The following DAP3 variants were observed in gnomAD, a reference collection of about 807,000 sequenced individuals.
DAP3 encodes the protein death associated protein 3.
Under a neutral mutation model 51.9 loss-of-function variants are expected in DAP3, and 28 were observed. That is an observed-to-expected ratio of 0.54 (90% confidence interval 0.40 to 0.74). DAP3 has a LOEUF of 0.74. Among genes scored for constraint, DAP3 ranks in the 30% least tolerant of loss-of-function variants. The pLI, the probability that DAP3 is intolerant of heterozygous loss-of-function variation, is 0.00. For synonymous variants in DAP3, 170 were observed against 170.3 expected (o/e 1.00, Z 0.01); for missense variants, 458 against 483.5 (o/e 0.95, Z 0.49).
chr1:155,715,818 G>A (rs1657265989), intron 2 of DAP3, among the ~76,000 whole-genome samples: 1 of 152,130 alleles, frequency 6.6e-6, no homozygotes. Context: ...AGAGGTTTCG[G>A]TGTACAGTTC....
upstream of DAP3, chr1:155,688,929 C>T (rs1653211396): frequency 1.2e-6 from 2 of 1,613,022 alleles, no homozygotes; most frequent in Admixed American, 3.3e-5. Context: ...TGACAACCTA[C>T]CTCCCTGGGT....
At chr1:155,688,752 C>G, upstream of DAP3, 1 of 1,519,760 alleles carries the variant, frequency 6.6e-7, no homozygotes. Flanking sequence ...CCAAAGCAGC[C>G]GCCGCCAGCA....
At chr1:155,726,113 C>CAT in intron 6 of DAP3, 94 bp downstream of exon 6, 1 of 676,656 alleles carries the variant, frequency 1.5e-6, no homozygotes, top group Non-Finnish European at 2.2e-6. Flanking sequence ...CTTTTCTTTT[C>CAT]TTTTTTTTTT....
At chr1:155,695,077 G>T (rs1243449553) in intron 1 of DAP3, among the ~76,000 whole-genome samples, 3 of 152,174 alleles carry the variant, frequency 2.0e-5, no homozygotes, top group Admixed American at 2.0e-4. Context: ...ATGCTCTGTT[G>T]TTTTAAAAAT....
intron 1 of DAP3, among the ~76,000 whole-genome samples, chr1:155,703,877 G>A (rs1655632759): frequency 1.3e-5 from 2 of 152,214 alleles, no homozygotes; most frequent in Admixed American, 1.3e-4. Context: ...GCCAGGCATA[G>A]TGGCTCGCGC....
At chr1:155,695,439 C>T (rs778972359) in intron 1 of DAP3, among the ~76,000 whole-genome samples, 14 of 152,128 alleles carry the variant, frequency 9.2e-5, no homozygotes, top group African/African-American at 3.4e-4. Flanking sequence ...TTTGTAAGTC[C>T]TGTTACATTA....
chr1:155,702,935 T>C lies in DAP3; in HGVS notation c.-7-6838T>C, dbSNP rs899402559. Among the ~76,000 whole-genome samples, 6 of 152,156 alleles carry C rather than the reference T, an allele frequency of 3.9e-5. 1 individual carries two copies. The South Asian group carries it at 1.0e-3, about 26-fold the overall frequency. ...AGTGAGCTGAGATGGTGCCACTGCA[T>C]TCCAGCCTGGGTGACAGAGTGAGAC... On this transcript the variant is annotated intron_variant, in intron 1 of 12. Transcript: ENST00000368336.
At chr1:155,700,722 C>T (rs1571442876) in intron 1 of DAP3, among the ~76,000 whole-genome samples, 1 of 139,846 alleles carries the variant, frequency 7.2e-6, no homozygotes, top group Non-Finnish European at 1.6e-5. Context: ...ACCCGGCCAG[C>T]CGCCCCGTCC....
intron 1 of DAP3, among the ~76,000 whole-genome samples, chr1:155,695,055 G>A (rs374265386): frequency 7.2e-5 from 11 of 152,158 alleles, no homozygotes; most frequent in Non-Finnish European, 1.5e-4. Context: ...GGGGATAACC[G>A]TACTGTGTTC....
chr1:155,718,944 A>T (rs1286128867), intron 3 of DAP3, among the ~76,000 whole-genome samples: 1 of 152,238 alleles, frequency 6.6e-6, no homozygotes, highest in Non-Finnish European at 1.5e-5. Context: ...TGACTGGAGC[A>T]TCTCTATACA....
chr1:155,688,687 C>T, upstream of DAP3: 1 of 1,529,598 alleles, frequency 6.5e-7, no homozygotes. Flanking sequence ...AAGCCTTCTC[C>T]ACCTCCTCTT....
chr1:155,719,810 G>C (rs1657776829), intron 3 of DAP3, among the ~76,000 whole-genome samples: 1 of 152,014 alleles, frequency 6.6e-6, no homozygotes, highest in Non-Finnish European at 1.5e-5. Context: ...GCCTCCCATA[G>C]TGCTGGGATG....
chr1:155,693,634 T>C (rs796722983), intron 1 of DAP3, among the ~76,000 whole-genome samples: 1 of 142,014 alleles, frequency 7.0e-6, no homozygotes, highest in African/African-American at 3.2e-5. Flanking sequence ...GACAATTCCA[T>C]AGGAATTATT....
intron 1 of DAP3, among the ~76,000 whole-genome samples, chr1:155,706,515 T>C (rs1342428946): frequency 1.3e-5 from 2 of 152,140 alleles, no homozygotes; most frequent in African/African-American, 2.4e-5. Context: ...CTCACGCCTG[T>C]AATCCCTTTG....
chr1:155,718,123 C>T (rs1461376766), intron 3 of DAP3, among the ~76,000 whole-genome samples: 3 of 152,178 alleles, frequency 2.0e-5, no homozygotes, highest in Admixed American at 6.6e-5. Context: ...GGGTGGCTCA[C>T]GACTGTCATC....
chr1:155,695,541 G>A (rs192636688), intron 1 of DAP3, among the ~76,000 whole-genome samples: 11 of 152,322 alleles, frequency 7.2e-5, no homozygotes, highest in African/African-American at 2.4e-4. Context: ...AAGGGTCCTG[G>A]AAGATTGGTA....
chr1:155,689,018 T>C (rs1257431738), upstream of DAP3: 5 of 1,585,782 alleles, frequency 3.2e-6, no homozygotes, highest in South Asian at 4.6e-5. Context: ...AGCGCCCCTC[T>C]GCCGGCCGGT....
In DAP3 at chr1:155,691,232, T is replaced by G. The variant is rs1235176944; in HGVS notation, c.-8+2058T>G. 3.5e-5 allele frequency among the ~76,000 whole-genome samples: 5 copies of G among 141,832 alleles called. No homozygotes were observed. The East Asian group carries it at 9.6e-4, about 27-fold the overall frequency. 93.0% of individuals were successfully genotyped at this position (141,832 alleles called of 152,430 possible). On this transcript the variant is annotated intron_variant, in intron 1 of 12. Transcript: ENST00000368336. ...TCCACTATCGAACTTTAGAACATTTTTTATCACCCCCAAAAGAATCTTATC... is the reference window on the plus strand; with the variant it reads ...TCCACTATCGAACTTTAGAACATTTGTTATCACCCCCAAAAGAATCTTATC...
At chr1:155,728,957 T>C (rs1339405071) in intron 7 of DAP3, 85 bp from the exon 8 acceptor site, 1 of 1,341,896 alleles carries the variant, frequency 7.5e-7, no homozygotes, top group Non-Finnish European at 1.0e-6. Context: ...CTGTTAACCT[T>C]AGCCTCCAAC....
Sources: allele counts gnomAD v4.1 joint callset (sites outside exome capture counted in the v4.1 genomes callset), GRCh38; gene constraint gnomAD v4.1.1; transcripts MANE v1.5; gene names NCBI Gene and HGNC (gene_info 2026-07-23, HGNC 2026-07-21).